The following PDPR variants were observed in gnomAD, a reference collection of about 807,000 sequenced individuals.
PDPR encodes the protein pyruvate dehydrogenase phosphatase regulatory subunit, also known as pyruvate dehydrogenase phosphatase regulatory subunit, mitochondrial.
PDPR carries 50 observed loss-of-function variants against 102.2 expected under a neutral mutation model. That is an observed-to-expected ratio of 0.49 (90% CI 0.39 to 0.62). The LOEUF (loss-of-function observed/expected upper bound fraction) is 0.62, where lower values mean the gene tolerates loss of function less well. Ranked by LOEUF, PDPR falls within the 20% of genes least tolerant of loss-of-function variation. The pLI is 0.00. For synonymous variants in PDPR, 259 were observed against 406.0 expected, an observed-to-expected ratio of 0.64 and a Z score of 4.35; for missense variants, 625 against 1,098.2, an observed-to-expected ratio of 0.57 and a Z score of 6.09.
chr16:70,133,184 G>A (rs1186253214), intron 9 of PDPR, among the ~76,000 whole-genome samples: 23 of 144,810 alleles, frequency 1.6e-4, no homozygotes, highest in African/African-American at 4.7e-4. Flanking sequence ...GTGTGATCTC[G>A]GCTCACTGCA....
At position 70,141,287 on chromosome 16, in the gene PDPR, C is replaced by T. The variant is rs1460700063; in HGVS notation, c.1316-947C>T. Among the ~76,000 whole-genome samples the T allele has an allele frequency of 4.5e-3, 688 of 152,176 alleles. 3 individuals are homozygous for T. Among genetic ancestry groups the T allele is most frequent in the African/African-American group, 0.016 (649 of 41,414 alleles). ...CAGGCTGATCTTGAACTCCTGACCT[C>T]GTGATCCGCCCACCTCGACCTCTCA... On this transcript the variant is annotated intron_variant, in intron 11 of 18. Transcript: ENST00000288050.
intron 3 of PDPR, among the ~76,000 whole-genome samples, chr16:70,123,109 C>T (rs1260185480): frequency 6.6e-6 from 1 of 152,046 alleles, no homozygotes; most frequent in Non-Finnish European, 1.5e-5. Flanking sequence ...ACCATGTTGG[C>T]CAGGCAGGTC....
chr16:70,129,616 T>A (rs1260361440), intron 6 of PDPR, among the ~76,000 whole-genome samples: 1 of 152,280 alleles, frequency 6.6e-6, no homozygotes, highest in Non-Finnish European at 1.5e-5. Flanking sequence ...CCCTAAGTGC[T>A]GGGATTACAG....
chr16:70,140,090 CT>C (rs1156291890), intron 11 of PDPR, among the ~76,000 whole-genome samples: 3 of 152,236 alleles, frequency 2.0e-5, no homozygotes, highest in Non-Finnish European at 2.9e-5. Context: ...AATCCCAGCA[CT>C]TTGGGACGTT....
chr16:70,147,261 AG>A (rs1966313858), intron 16 of PDPR, among the ~76,000 whole-genome samples: 4 of 144,502 alleles, frequency 2.8e-5, no homozygotes, highest in South Asian at 4.4e-4. Flanking sequence ...TTACACTCCA[AG>A]CTTGCTTTAT....
At chr16:70,138,207 A>ATTTTTTTTTTTTTTTTTTTTT (rs1201065640) in intron 10 of PDPR, among the ~76,000 whole-genome samples, 1 of 94,048 alleles carries the variant, frequency 1.1e-5, no homozygotes. Context: ...ACGCCGGCTA[A>ATTTTTTTTTTTTTTTTTTTTT]TTTTTTTTTT....
chr16:70,156,093 C>T (rs1967145864), intron 18 of PDPR, among the ~76,000 whole-genome samples: 1 of 152,082 alleles, frequency 6.6e-6, no homozygotes, highest in African/African-American at 2.4e-5. Flanking sequence ...TTTGCCTCAT[C>T]TCTGTTCAAG....
intron 9 of PDPR, among the ~76,000 whole-genome samples, chr16:70,135,170 T>C (rs1369691792): frequency 6.6e-6 from 1 of 152,256 alleles, no homozygotes; most frequent in African/African-American, 2.4e-5. Flanking sequence ...TATGTCCTGA[T>C]GGTAGATTTC....
chr16:70,154,887 C>G (rs1428846143), intron 18 of PDPR, among the ~76,000 whole-genome samples: 1 of 152,248 alleles, frequency 6.6e-6, no homozygotes, highest in African/African-American at 2.4e-5. Context: ...GATCCGCCCT[C>G]CTCGGCCTCC....
intron 11 of PDPR, among the ~76,000 whole-genome samples, chr16:70,139,570 A>G (rs1331471071): frequency 1.3e-5 from 2 of 152,282 alleles, no homozygotes; most frequent in Non-Finnish European, 2.9e-5. Context: ...ATATAAATAC[A>G]AAACATACAT....
chr16:70,155,628 G>C (rs1396053919), intron 18 of PDPR, among the ~76,000 whole-genome samples: 1 of 152,208 alleles, frequency 6.6e-6, no homozygotes, highest in East Asian at 1.9e-4. Context: ...GACCTCAGGA[G>C]ATCCCCCCGC....
At chr16:70,114,667 C>T (rs114050345) in intron 1 of PDPR, among the ~76,000 whole-genome samples, 154 bp from the exon 2 acceptor site, 8,818 of 152,314 alleles carry the variant, frequency 0.058, 910 homozygotes, top group African/African-American at 0.2. Context: ...TCTCGGCTAC[C>T]CCTGGGCGTG....
intron 16 of PDPR, among the ~76,000 whole-genome samples, chr16:70,146,829 T>C (rs1355683524): frequency 4.6e-5 from 3 of 64,644 alleles, no homozygotes; most frequent in African/African-American, 1.1e-4. Context: ...GATTGCGCCA[T>C]TGCACTCCAG....
chr16:70,116,532 C>A (rs1483891844), intron 2 of PDPR, among the ~76,000 whole-genome samples: 9 of 147,364 alleles, frequency 6.1e-5, no homozygotes, highest in Non-Finnish European at 1.5e-5. Context: ...CATAGTGAGC[C>A]CCTCTCTACA....
chr16:70,153,996 A>AGT (rs1201492766), intron 18 of PDPR, among the ~76,000 whole-genome samples: 2 of 152,192 alleles, frequency 1.3e-5, no homozygotes, highest in Non-Finnish European at 2.9e-5. Context: ...TAGCTAACAC[A>AGT]GTGAAACCCC....
At position 70,157,623 on chromosome 16, in the gene PDPR, G is replaced by A. The variant is rs1967365474; in HGVS notation, c.*744G>A. The A allele has an allele frequency of 5.7e-6, 1 of 174,566 alleles. No homozygotes were observed. The highest frequency in any genetic ancestry group is 1.2e-5 in the Non-Finnish European group (1 of 81,358). The allele number at this position is 174,566 out of a possible 1,614,324, so 10.8% of individuals were successfully genotyped here. ...AGGTTGCTTTTTCTTTCTTAGTTGA[G>A]TAAACAAGTAAGCCACAGTGTTTGA... is the stretch of plus-strand genomic sequence containing the variant. On this transcript the variant is annotated 3_prime_UTR_variant, in exon 19 of 19. Transcript: ENST00000288050.
chr16:70,141,740 A>G (rs1384767878), intron 11 of PDPR, among the ~76,000 whole-genome samples: 1 of 152,274 alleles, frequency 6.6e-6, no homozygotes, highest in Admixed American at 6.5e-5. Context: ...GCAGCTTGGC[A>G]GGATTGTCTT....
chr16:70,133,208 C>T (rs552052261), intron 9 of PDPR, among the ~76,000 whole-genome samples: 5 of 150,514 alleles, frequency 3.3e-5, no homozygotes, highest in South Asian at 4.2e-4. Flanking sequence ...TCTGCCTCCC[C>T]GGTTCAAGTG....
At chr16:70,121,479 G>A (rs555763235) in intron 3 of PDPR, among the ~76,000 whole-genome samples, 25 of 151,610 alleles carry the variant, frequency 1.6e-4, no homozygotes, top group African/African-American at 5.6e-4. Flanking sequence ...ATCACCTCAG[G>A]TCAGGAGTTC....
Sources: gnomAD v4.1 joint callset for allele counts (sites outside exome capture counted in the v4.1 genomes callset) on GRCh38, gnomAD v4.1.1 for gene constraint, MANE v1.5 for transcripts, NCBI Gene and HGNC (gene_info 2026-07-23, HGNC 2026-07-21) for gene names.